The following MIB1 variants were observed in gnomAD, a reference collection of about 807,000 sequenced individuals.
MIB1 encodes E3 ubiquitin-protein ligase MIB1.
In MIB1, 278 loss-of-function variants were observed where a neutral mutation model predicts 124.5. The ratio of observed to expected loss-of-function variants is 2.23; its 90% CI spans 2.02 to 2.47. MIB1 has a LOEUF of 2.47. MIB1 is among the 30% of genes most tolerant of loss of function. MIB1 has a pLI of 0.00. For synonymous variants in MIB1, 446 were observed against 429.4 expected (o/e 1.04, Z -0.48); for missense variants, 957 against 1,254.4 (o/e 0.76, Z 3.58).
intron 1 of MIB1, among the ~76,000 whole-genome samples, chr18:21,764,612 C>A (rs1446076672): frequency 6.6e-6 from 1 of 151,902 alleles, no homozygotes; most frequent in African/African-American, 2.4e-5. Flanking sequence ...TAAATGGATA[C>A]AAAGAGGAAG....
chr18:21,787,004 G>A (rs1241464918), intron 6 of MIB1, among the ~76,000 whole-genome samples: 2 of 150,122 alleles, frequency 1.3e-5, no homozygotes, highest in South Asian at 2.1e-4. Flanking sequence ...ATATGGCTTC[G>A]TATTGAAAGA....
At chr18:21,784,076 G>A (rs1269056462) in intron 6 of MIB1, among the ~76,000 whole-genome samples, 3 of 143,428 alleles carry the variant, frequency 2.1e-5, no homozygotes, top group Non-Finnish European at 4.6e-5. Context: ...TTGATACGGA[G>A]TCTCGCTATG....
In MIB1 at chr18:21,805,259, T is replaced by G. The variant is rs577609128; in HGVS notation, c.1479+1245T>G. Among the ~76,000 whole-genome samples, 6 of 152,200 alleles carry G rather than the reference T, an allele frequency of 3.9e-5. No homozygotes were observed. The South Asian group carries it at 1.2e-3, about 32-fold the overall frequency. On this transcript the variant is annotated intron_variant, in intron 10 of 20. Transcript: ENST00000261537. ...AGCTCCTGACCTCAAGTGATGTGCC[T>G]GCCTCAGCCTCCCAAAGTGCTGAGA...
intron 7 of MIB1, among the ~76,000 whole-genome samples, chr18:21,796,436 A>ATAT (rs1461013199): frequency 5.9e-5 from 9 of 152,092 alleles, no homozygotes; most frequent in African/African-American, 2.2e-4. Flanking sequence ...CAAATATCTA[A>ATAT]TATAATGCAT....
At chr18:21,831,486 T>G (rs2146492674) in intron 12 of MIB1, 1 of 152,274 alleles carries the variant, frequency 6.6e-6, no homozygotes, top group Admixed American at 6.5e-5. Context: ...GGCTCTCTTG[T>G]GCCTCTCTCT....
At position 21,858,675 on chromosome 18, in the gene MIB1, G is replaced by T. The variant is rs558478201; in HGVS notation, c.2880+29G>T. On this transcript the variant is annotated intron_variant, in intron 20 of 20. Transcript: ENST00000261537. Reference sequence around the variant, plus strand: ...ATAATGATTTCATGTAAACAGTGATGCTGTGAATGGCACTGAATATTTTCC... The same window carrying T: ...ATAATGATTTCATGTAAACAGTGATTCTGTGAATGGCACTGAATATTTTCC... 26 of 1,079,246 alleles carry T rather than the reference G, an allele frequency of 2.4e-5. No homozygotes were observed. In the South Asian group the frequency reaches 3.3e-4, roughly 14 times the overall value. 66.9% of individuals were successfully genotyped at this position (1,079,246 alleles called of 1,614,324 possible).
intron 7 of MIB1, among the ~76,000 whole-genome samples, chr18:21,797,737 A>G (rs1350623879): frequency 6.6e-6 from 1 of 151,886 alleles, no homozygotes; most frequent in Non-Finnish European, 1.5e-5. Context: ...TTCAGGCTAT[A>G]TTGATGATAG....
At chr18:21,706,839 C>G (rs1414396888) in intron 1 of MIB1, among the ~76,000 whole-genome samples, 1 of 152,332 alleles carries the variant, frequency 6.6e-6, no homozygotes, top group Middle Eastern at 3.4e-3. Context: ...AAGCCTCCCC[C>G]ACGAGCGCTG....
chr18:21,816,653 G>A (rs535706310), intron 11 of MIB1, among the ~76,000 whole-genome samples: 1 of 152,336 alleles, frequency 6.6e-6, no homozygotes, highest in Admixed American at 6.5e-5. Flanking sequence ...TAAGCTGCTT[G>A]TAGTTTAGAT....
At position 21,748,730 on chromosome 18, in the gene MIB1, CTTT is replaced by C. The variant is rs557338460; in HGVS notation, c.229+6939_229+6941del. 8.6e-3 allele frequency among the ~76,000 whole-genome samples: 917 copies of C among 107,104 alleles called. 13 individuals carry two copies. Among genetic ancestry groups the C allele is most frequent in the African/African-American group, 0.033 (863 of 26,056 alleles). The allele number at this position is 107,104 out of a possible 152,430, so 70.3% of individuals were successfully genotyped here. On this transcript the variant is annotated intron_variant, in intron 1 of 20. Transcript: ENST00000261537. ...ACAGCTGTGAGCCATCATGCCCAGC[CTTT>C]TTTTTTTTTTTTTTTTTTTTAAAGA...
chr18:21,708,268 G>C (rs1294181657), intron 1 of MIB1, among the ~76,000 whole-genome samples: 1 of 152,182 alleles, frequency 6.6e-6, no homozygotes, highest in Non-Finnish European at 1.5e-5. Context: ...CTCTTTGGGG[G>C]CCTCAGTTCC....
At chr18:21,736,652 C>G (rs1207171565), upstream of MIB1, among the ~76,000 whole-genome samples, 1 of 152,064 alleles carries the variant, frequency 6.6e-6, no homozygotes, top group Non-Finnish European at 1.5e-5. Context: ...CTAGAAAAAC[C>G]AATTTAGAGA....
At chr18:21,762,004 G>C (rs1228142999) in intron 1 of MIB1, among the ~76,000 whole-genome samples, 1 of 152,126 alleles carries the variant, frequency 6.6e-6, no homozygotes, top group African/African-American at 2.4e-5. Context: ...TTCACATTTT[G>C]TTCTGTATGC....
In MIB1 at chr18:21,842,577, C is replaced by T. The variant is rs534123625; in HGVS notation, c.1963-554C>T. On this transcript the variant is annotated intron_variant, in intron 13 of 20. Transcript: ENST00000261537. ...CTGTTCTCATACGGTTCTTCAGCTG[C>T]CCTAGGTTCTTGGGTAGGATTTTCT... 5.3e-5 allele frequency among the ~76,000 whole-genome samples: 8 copies of T among 152,200 alleles called. No homozygotes were observed. In the East Asian group the frequency reaches 1.4e-3, roughly 26 times the overall value.
intron 20 of MIB1, among the ~76,000 whole-genome samples, chr18:21,863,556 G>A (rs540172906): frequency 5.9e-5 from 9 of 152,226 alleles, no homozygotes; most frequent in South Asian, 2.1e-4. Context: ...TCTCTCCTCC[G>A]AAGTCCAGTC....
At chr18:21,718,385 A>G (rs1458014384) in intron 1 of MIB1, among the ~76,000 whole-genome samples, 1 of 152,188 alleles carries the variant, frequency 6.6e-6, no homozygotes, top group African/African-American at 2.4e-5. Context: ...GCAATAACCT[A>G]TGGAAATAAA....
rs2042343039 is a variant in MIB1 at position 21,869,746 on chromosome 18, AAGG to A, written c.*5085_*5087del. On this transcript the variant is annotated 3_prime_UTR_variant, in exon 21 of 21. Coordinates refer to ENST00000261537, the MANE Select transcript of MIB1 (RefSeq NM_020774.4). ...GCCACAGTTTGCTATTTTAGTATGAAAGGAGGATCTGTTTGGGAAACATAGATT... is the reference window on the plus strand; with the variant it reads ...GCCACAGTTTGCTATTTTAGTATGAAAGGATCTGTTTGGGAAACATAGATT... The A allele has an allele frequency of 3.3e-5, 5 of 152,384 alleles. No individual in the cohort carries two copies. Among genetic ancestry groups the A allele is most frequent in the Admixed American group, 3.3e-4 (5 of 15,252 alleles). The allele number at this position is 152,384 out of a possible 1,614,324, so 9.4% of individuals were successfully genotyped here.
At chr18:21,839,916 G>T (rs1020303508) in intron 13 of MIB1, among the ~76,000 whole-genome samples, 2 of 152,188 alleles carry the variant, frequency 1.3e-5, no homozygotes, top group Non-Finnish European at 2.9e-5. Context: ...TTAGCTGGAT[G>T]TGGTAGCACA....
At chr18:21,864,010 AAAAG>A (rs775886405) in intron 20 of MIB1, among the ~76,000 whole-genome samples, 34 of 152,246 alleles carry the variant, frequency 2.2e-4, no homozygotes, top group East Asian at 1.4e-3. Context: ...ATCTCAAAAA[AAAAG>A]AAAGAAAGAA....
Sources: allele counts gnomAD v4.1 joint callset (sites outside exome capture counted in the v4.1 genomes callset), GRCh38; gene constraint gnomAD v4.1.1; transcripts MANE v1.5; gene names NCBI Gene and HGNC (gene_info 2026-07-23, HGNC 2026-07-21).